Variants in KAZN observed in about 807,000 individuals in gnomAD.
KAZN encodes kazrin, periplakin interacting protein.
A neutral mutation model predicts 87.4 loss-of-function variants in KAZN; 40 were observed. The observed-to-expected ratio is 0.46, with a 90% CI of 0.36 to 0.60. The LOEUF (loss-of-function observed/expected upper bound fraction) is 0.60. Among genes scored for constraint, KAZN ranks in the 20% least tolerant of loss-of-function variants. KAZN has a pLI of 0.00. For synonymous variants in KAZN, 466 were observed against 458.3 expected (o/e 1.02, Z -0.22); for missense variants, 898 against 1,073.9 (o/e 0.84, Z 2.29).
chr1:14,562,691 T>C (rs1490691716), intron 2 of KAZN, among the ~76,000 whole-genome samples: 2 of 152,154 alleles, frequency 1.3e-5, no homozygotes, highest in Admixed American at 1.3e-4. Flanking sequence ...AGATGTTGGG[T>C]AGTTTCAGGC....
At chr1:13,930,103 G>A (rs1028416945) in intron 1 of KAZN, among the ~76,000 whole-genome samples, 3 of 152,114 alleles carry the variant, frequency 2.0e-5, no homozygotes, top group Non-Finnish European at 2.9e-5. Context: ...TTTGCTATGC[G>A]TCTCAGTAGA....
At chr1:15,045,891 G>T (rs1396151833) in intron 4 of KAZN, among the ~76,000 whole-genome samples, 1 of 152,150 alleles carries the variant, frequency 6.6e-6, no homozygotes, top group Non-Finnish European at 1.5e-5. Context: ...CCTCCACCTG[G>T]TCCTTCCCTT....
upstream of KAZN, among the ~76,000 whole-genome samples, chr1:14,596,742 G>A (rs774352748): frequency 6.6e-6 from 1 of 152,156 alleles, no homozygotes; most frequent in Admixed American, 6.5e-5. Context: ...CTAACATAAT[G>A]TTTTGGAGCT....
intron 1 of KAZN, among the ~76,000 whole-genome samples, chr1:14,733,471 T>A (rs1280773289): frequency 6.6e-6 from 1 of 152,200 alleles, no homozygotes; most frequent in Non-Finnish European, 1.5e-5. Context: ...GTTGAATTAA[T>A]GACCGTGGCA....
chr1:14,790,212 A>G (rs549865407), intron 1 of KAZN, among the ~76,000 whole-genome samples: 68 of 151,628 alleles, frequency 4.5e-4, no homozygotes, highest in Non-Finnish European at 2.8e-4. Context: ...GGGTTTCTCC[A>G]TGTCGGTCAG....
At chr1:15,036,065 C>G (rs937473944) in intron 3 of KAZN, among the ~76,000 whole-genome samples, 1 of 152,084 alleles carries the variant, frequency 6.6e-6, no homozygotes, top group Non-Finnish European at 1.5e-5. Flanking sequence ...TCACTGTCAC[C>G]TCCCGGGCAT....
At position 14,883,318 on chromosome 1, in the gene KAZN, AAGAG is replaced by A. The variant is rs1219653139; in HGVS notation, c.227-77344_227-77341del. ...CTCAAAAGAAAGAAAGAAAGAAAGA[AAGAG>A]AGAGAGAGAGAGAGAGAGAGAAAGA... On this transcript the variant is annotated intron_variant, in intron 1 of 14. Transcript: ENST00000376030. Among the ~76,000 whole-genome samples, 85 of 38,586 alleles carry A rather than the reference AAGAG, an allele frequency of 2.2e-3. 10 individuals are homozygous for A. The highest frequency in any genetic ancestry group is 5.1e-3 in the African/African-American group (66 of 13,044). The allele number at this position is 38,586 out of a possible 152,430, so 25.3% of individuals were successfully genotyped here. A position where few individuals can be genotyped will look rare whatever the true frequency, so the allele number is the denominator to read the frequency against.
chr1:14,452,026 G>A (rs370323360), intron 2 of KAZN, among the ~76,000 whole-genome samples: 30 of 152,220 alleles, frequency 2.0e-4, no homozygotes, highest in African/African-American at 4.8e-4. Context: ...TGCAGCCTCC[G>A]TCTCCTGGAT....
At chr1:13,962,078 C>T (rs1034560754) in intron 1 of KAZN, among the ~76,000 whole-genome samples, 4 of 152,166 alleles carry the variant, frequency 2.6e-5, no homozygotes, top group Admixed American at 6.5e-5. Flanking sequence ...CAGGAACGAA[C>T]ATTTGTCCTC....
At chr1:14,108,853 A>C (rs1217532493) in intron 1 of KAZN, among the ~76,000 whole-genome samples, 1 of 152,162 alleles carries the variant, frequency 6.6e-6, no homozygotes, top group Non-Finnish European at 1.5e-5. Flanking sequence ...CCTTGGCAGG[A>C]AGGAGAACAC....
chr1:14,215,619 TGAA>T (rs991333864), intron 2 of KAZN, among the ~76,000 whole-genome samples: 36 of 152,206 alleles, frequency 2.4e-4, no homozygotes, highest in African/African-American at 8.2e-4. Flanking sequence ...CTTTTTGAAA[TGAA>T]GAAAACTGCT....
At chr1:15,020,649 C>G (rs1224608183) in intron 2 of KAZN, among the ~76,000 whole-genome samples, 1 of 152,198 alleles carries the variant, frequency 6.6e-6, no homozygotes, top group African/African-American at 2.4e-5. Flanking sequence ...GTGAAGGGAT[C>G]ACAGTGGCTG....
chr1:14,258,756 C>G (rs991754878), intron 2 of KAZN, among the ~76,000 whole-genome samples: 2 of 152,176 alleles, frequency 1.3e-5, no homozygotes, highest in African/African-American at 4.8e-5. Flanking sequence ...GTCTGTCAAG[C>G]CTCTGTGCAA....
Position 14,314,349 on chromosome 1 carries a change from T to G in KAZN, c.249+133757T>G, listed in dbSNP as rs114027890. On this transcript the variant is annotated intron_variant, in intron 2 of 16. Coordinates refer to the KAZN transcript ENST00000636203. ...CTGTTCAAATTTAAAACCATAAAAT[T>G]TCCACTCCTTCCACATTACCCAGAC... 7.3e-3 allele frequency among the ~76,000 whole-genome samples: 1,117 copies of G among 152,270 alleles called. 9 individuals carry two copies. The highest frequency in any genetic ancestry group is 0.026 in the African/African-American group (1,069 of 41,544).
At chr1:14,920,284 T>G (rs898107832) in intron 1 of KAZN, among the ~76,000 whole-genome samples, 11 of 146,588 alleles carry the variant, frequency 7.5e-5, no homozygotes, top group African/African-American at 1.8e-4. Context: ...CTGTTTTTTT[T>G]TTTTTTTTTT....
chr1:14,885,127 A>G (rs957359996), intron 1 of KAZN, among the ~76,000 whole-genome samples: 1 of 152,186 alleles, frequency 6.6e-6, no homozygotes. Flanking sequence ...ATCAAGAATC[A>G]ACAAAAATAA....
intron 1 of KAZN, among the ~76,000 whole-genome samples, chr1:14,644,656 G>C (rs1357103708): frequency 6.6e-6 from 1 of 152,038 alleles, no homozygotes; most frequent in African/African-American, 2.4e-5. Flanking sequence ...CCACCGTGCC[G>C]GGCCTTCTCT....
chr1:14,777,870 G>C (rs1003630679), intron 1 of KAZN, among the ~76,000 whole-genome samples: 1 of 152,092 alleles, frequency 6.6e-6, no homozygotes, highest in Non-Finnish European at 1.5e-5. Context: ...CTGCATTGCC[G>C]TGGCATTTGT....
chr1:14,512,660 G>A (rs115116097), intron 2 of KAZN, among the ~76,000 whole-genome samples: 19 of 152,290 alleles, frequency 1.2e-4, no homozygotes, highest in Non-Finnish European at 2.4e-4. Flanking sequence ...CACACAGTTC[G>A]CCGGGGTCAC....
Sources: gnomAD v4.1 joint callset for allele counts (sites outside exome capture counted in the v4.1 genomes callset) on GRCh38, gnomAD v4.1.1 for gene constraint, MANE v1.5 for transcripts, NCBI Gene and HGNC (gene_info 2026-07-23, HGNC 2026-07-21) for gene names.